The following PCDH15 variants were observed in gnomAD, a reference collection of about 807,000 sequenced individuals.
The protein encoded by PCDH15 is protocadherin related 15, also known as protocadherin-15.
Under a neutral mutation model 178.5 loss-of-function variants are expected in PCDH15, and 129 were observed. The ratio of observed to expected loss-of-function variants is 0.72; its 90% CI spans 0.63 to 0.84. The LOEUF is 0.84. Among genes scored for constraint, PCDH15 ranks in the 40% least tolerant of loss-of-function variants. The probability of loss-of-function intolerance (pLI) is 0.00; values close to 1 mark genes in which losing one functional copy is unlikely to be tolerated. For missense variants in PCDH15, 2,230 were observed against 2,099.9 expected, an observed-to-expected ratio of 1.06 and a Z score of -1.21; for synonymous variants, 800 against 732.0, an observed-to-expected ratio of 1.09 and a Z score of -1.50.
At chr10:55,394,539 G>C (rs1004521710) in intron 2 of PCDH15, among the ~76,000 whole-genome samples, 2 of 151,984 alleles carry the variant, frequency 1.3e-5, no homozygotes, top group Admixed American at 6.6e-5. Context: ...ATACAGCCAG[G>C]ATTGAAAGCC....
rs1333351234 is a variant in PCDH15 at position 54,090,034 on chromosome 10, T to C, written c.1947A>G (p.Thr649=). The change falls in exon 16 of 38, where the codon ACA becomes ACG. Residue 649 remains threonine, a synonymous_variant. Coordinates refer to ENST00000644397, the MANE Select transcript of PCDH15 (RefSeq NM_001384140.1). ...QATDREGDSI[T]YAIENGDPQR... is the part of the protein sequence containing the mutation. ...GAGGATCTCCATTCTCAATGGCATA[T>C]GTTATTGAGTCTCCCTCTCGATCAG... The C allele has an allele frequency of 6.2e-7, 1 of 1,612,444 alleles. No homozygotes were observed. The highest frequency in any genetic ancestry group is 1.1e-5 in the South Asian group (1 of 91,060).
chr10:54,706,852 AC>A (rs2095370502), intron 1 of PCDH15, among the ~76,000 whole-genome samples: 1 of 152,082 alleles, frequency 6.6e-6, no homozygotes, highest in Non-Finnish European at 1.5e-5. Context: ...CACACTCCTG[AC>A]CTTAGTGATC....
chr10:55,438,071 G>A (rs1417392058), intron 2 of PCDH15, among the ~76,000 whole-genome samples: 3 of 151,810 alleles, frequency 2.0e-5, no homozygotes, highest in Non-Finnish European at 2.9e-5. Context: ...CCGACCTCAG[G>A]TGATCCTCCT....
intron 2 of PCDH15, among the ~76,000 whole-genome samples, chr10:54,592,160 A>G (rs953367900): frequency 6.6e-6 from 1 of 152,206 alleles, no homozygotes; most frequent in African/African-American, 2.4e-5. Context: ...ATGAATGTCA[A>G]AAGTGATATT....
intron 21 of PCDH15, among the ~76,000 whole-genome samples, chr10:53,985,309 T>C (rs2091016514): frequency 6.6e-6 from 1 of 152,234 alleles, no homozygotes; most frequent in Non-Finnish European, 1.5e-5. Flanking sequence ...AATCAAATCC[T>C]GCTGCACCAG....
At chr10:54,480,666 A>T (rs1200132964) in intron 3 of PCDH15, among the ~76,000 whole-genome samples, 2 of 151,982 alleles carry the variant, frequency 1.3e-5, no homozygotes, top group Non-Finnish European at 2.9e-5. Context: ...ATTTATCCCC[A>T]TTATTAAACC....
intron 8 of PCDH15, among the ~76,000 whole-genome samples, chr10:54,302,216 A>G (rs898244864): frequency 6.6e-6 from 1 of 152,170 alleles, no homozygotes. Flanking sequence ...CACTTCCTAG[A>G]AATGTGTTTT....
intron 2 of PCDH15, among the ~76,000 whole-genome samples, chr10:55,155,794 CTATACAAAAT>C (rs1397058338): frequency 2.0e-5 from 3 of 149,692 alleles, no homozygotes; most frequent in African/African-American, 5.0e-5. Flanking sequence ...CATAGTATGT[CTATACAAAAT>C]AAAGAAGCAA....
chr10:55,391,389 G>T (rs1369851273), intron 2 of PCDH15, among the ~76,000 whole-genome samples: 1 of 151,988 alleles, frequency 6.6e-6, no homozygotes, highest in Non-Finnish European at 1.5e-5. Flanking sequence ...GGATTGGTTT[G>T]ATCTTCTGTT....
chr10:54,047,217 T>C (rs2093673458), intron 18 of PCDH15, among the ~76,000 whole-genome samples: 2 of 152,036 alleles, frequency 1.3e-5, no homozygotes, highest in Non-Finnish European at 2.9e-5. Flanking sequence ...TGATAGCATG[T>C]CTGTTATACT....
chr10:54,515,730 C>A (rs1033550581), intron 3 of PCDH15, among the ~76,000 whole-genome samples: 22 of 152,204 alleles, frequency 1.4e-4, no homozygotes, highest in South Asian at 2.1e-4. Flanking sequence ...AGGCATCCCC[C>A]AGTAGGGGCA....
At chr10:54,128,799 A>G (rs12782364) in intron 15 of PCDH15, among the ~76,000 whole-genome samples, 2 of 151,994 alleles carry the variant, frequency 1.3e-5, no homozygotes, top group Admixed American at 1.3e-4. Flanking sequence ...AGTGAGGAAA[A>G]TAGTCAATTC....
intron 23 of PCDH15, among the ~76,000 whole-genome samples, chr10:53,941,889 T>G (rs2086101198): frequency 6.6e-6 from 1 of 152,214 alleles, no homozygotes; most frequent in African/African-American, 2.4e-5. Context: ...TTTTATTTTT[T>G]TATCCATATT....
At chr10:53,964,837 A>G (rs2088821557) in intron 21 of PCDH15, among the ~76,000 whole-genome samples, 1 of 152,178 alleles carries the variant, frequency 6.6e-6, no homozygotes, top group Non-Finnish European at 1.5e-5. Context: ...CAAACCTTGT[A>G]TATGATTTGC....
chr10:54,747,575 C>T (rs1945627007), intron 1 of PCDH15, among the ~76,000 whole-genome samples: 1 of 152,140 alleles, frequency 6.6e-6, no homozygotes, highest in Non-Finnish European at 1.5e-5. Flanking sequence ...ATTGTACCAG[C>T]ATTAACCTGC....
chr10:55,439,337 C>A (rs75809042), intron 2 of PCDH15, among the ~76,000 whole-genome samples: 3,653 of 152,146 alleles, frequency 0.024, 150 homozygotes, highest in African/African-American at 0.083. Flanking sequence ...AGTATATATC[C>A]ACCTAATCTG....
chr10:55,451,468 A>T (rs1331210741), intron 2 of PCDH15, among the ~76,000 whole-genome samples: 1 of 151,132 alleles, frequency 6.6e-6, no homozygotes, highest in Non-Finnish European at 1.5e-5. Flanking sequence ...ACTGCACTCC[A>T]GCCTGGGAGA....
chr10:54,270,056 G>T (rs1298603489), intron 8 of PCDH15, among the ~76,000 whole-genome samples: 2 of 151,882 alleles, frequency 1.3e-5, no homozygotes, highest in African/African-American at 4.8e-5. Flanking sequence ...ACTGTACTAG[G>T]TGGTAATAAA....
At chr10:55,013,012 A>G (rs1429222606) in intron 2 of PCDH15, among the ~76,000 whole-genome samples, 1 of 152,168 alleles carries the variant, frequency 6.6e-6, no homozygotes, top group Non-Finnish European at 1.5e-5. Flanking sequence ...CTGGGAATCA[A>G]ATTCTCTCCA....
Sources: gnomAD v4.1 joint callset for allele counts (sites outside exome capture counted in the v4.1 genomes callset) on GRCh38, gnomAD v4.1.1 for gene constraint, MANE v1.5 for transcripts, NCBI Gene and HGNC (gene_info 2026-07-23, HGNC 2026-07-21) for gene names.